The following GRID2 variants were observed in gnomAD, a reference collection of about 807,000 sequenced individuals.
GRID2 encodes the protein glutamate receptor ionotropic, delta-2.
Under a neutral mutation model 114.8 loss-of-function variants are expected in GRID2, and 33 were observed. The ratio of observed to expected loss-of-function variants is 0.29; its 90% confidence interval spans 0.22 to 0.38. GRID2 has a LOEUF of 0.38. Among genes scored for constraint, GRID2 ranks in the 10% least tolerant of loss-of-function variants. GRID2 has a pLI of 1.00. For missense variants in GRID2, 1,184 were observed against 1,257.7 expected (o/e 0.94, Z 0.89); for synonymous variants, 505 against 449.9 (o/e 1.12, Z -1.55).
intron 13 of GRID2, among the ~76,000 whole-genome samples, chr4:93,519,946 T>A (rs1301439054): frequency 1.3e-5 from 2 of 152,102 alleles, no homozygotes; most frequent in Non-Finnish European, 2.9e-5. Flanking sequence ...CCACTGGACT[T>A]CAGGGCCTAG....
chr4:92,531,020 C>T (rs186216315), intron 1 of GRID2, among the ~76,000 whole-genome samples: 47 of 152,046 alleles, frequency 3.1e-4, no homozygotes, highest in Non-Finnish European at 5.9e-4. Context: ...CCTAAAAAGT[C>T]CTTATTATTT....
chr4:92,797,087 A>G (rs151313667), intron 2 of GRID2, among the ~76,000 whole-genome samples: 16 of 152,064 alleles, frequency 1.1e-4, no homozygotes, highest in Admixed American at 3.3e-4. Flanking sequence ...GCCTCCGTTT[A>G]TAGTGGATAT....
At chr4:92,487,174 ATT>A (rs1722938393) in intron 1 of GRID2, among the ~76,000 whole-genome samples, 1 of 151,772 alleles carries the variant, frequency 6.6e-6, no homozygotes, top group Admixed American at 6.6e-5. Context: ...TCATTGATTT[ATT>A]TCTCATTTAT....
At chr4:92,800,914 C>A (rs1040926944) in intron 2 of GRID2, among the ~76,000 whole-genome samples, 2 of 151,940 alleles carry the variant, frequency 1.3e-5, no homozygotes, top group African/African-American at 4.8e-5. Flanking sequence ...TTTATTAACC[C>A]CTGTCTTGCT....
chr4:93,480,995 A>T (rs560391692), intron 11 of GRID2, among the ~76,000 whole-genome samples: 3 of 152,052 alleles, frequency 2.0e-5, no homozygotes, highest in Non-Finnish European at 4.4e-5. Flanking sequence ...CTAATGAATT[A>T]CTACCACCCC....
At chr4:93,769,805 A>T (rs556389093) in intron 15 of GRID2, among the ~76,000 whole-genome samples, 3 of 152,172 alleles carry the variant, frequency 2.0e-5, no homozygotes, top group Non-Finnish European at 4.4e-5. Context: ...TGTTTCACTT[A>T]GTTGTTTAAC....
At chr4:93,702,530 T>C (rs527429475) in intron 14 of GRID2, among the ~76,000 whole-genome samples, 1 of 152,272 alleles carries the variant, frequency 6.6e-6, no homozygotes, top group East Asian at 1.9e-4. Context: ...GCTGTTACCA[T>C]AATGCTAAAA....
chr4:93,083,096 T>C (rs1337111817), intron 2 of GRID2, among the ~76,000 whole-genome samples: 2 of 152,146 alleles, frequency 1.3e-5, no homozygotes, highest in Non-Finnish European at 2.9e-5. Context: ...TTTCCTGTAA[T>C]TAGTGTAATC....
intron 4 of GRID2, among the ~76,000 whole-genome samples, chr4:93,163,332 T>G (rs1737868349): frequency 7.0e-6 from 1 of 142,134 alleles, no homozygotes; most frequent in Non-Finnish European, 1.5e-5. Flanking sequence ...TGCCTTTATT[T>G]TCCACTTCTG....
intron 4 of GRID2, among the ~76,000 whole-genome samples, chr4:93,176,363 G>T (rs1739345724): frequency 2.6e-5 from 4 of 152,038 alleles, no homozygotes; most frequent in African/African-American, 4.8e-5. Context: ...TAAATAGAAA[G>T]AATTGTCTTC....
intron 1 of GRID2, among the ~76,000 whole-genome samples, chr4:92,345,104 T>C: frequency 6.6e-6 from 1 of 152,216 alleles, no homozygotes; most frequent in Admixed American, 6.5e-5. Flanking sequence ...ACTTTATAGC[T>C]TAGCTCCCTC....
chr4:93,738,067 T>C (rs1411995058), intron 14 of GRID2, among the ~76,000 whole-genome samples: 1 of 152,040 alleles, frequency 6.6e-6, no homozygotes, highest in East Asian at 1.9e-4. Flanking sequence ...TTCAGAGTAG[T>C]CCAGAGCTGA....
At chr4:93,378,525 T>C (rs1763574041) in intron 8 of GRID2, among the ~76,000 whole-genome samples, 1 of 152,136 alleles carries the variant, frequency 6.6e-6, no homozygotes, top group African/African-American at 2.4e-5. Context: ...ATTGGGTAAG[T>C]AAACCACAAT....
At chr4:92,645,093 T>C (rs1479261910) in intron 2 of GRID2, among the ~76,000 whole-genome samples, 2 of 151,636 alleles carry the variant, frequency 1.3e-5, no homozygotes, top group Non-Finnish European at 3.0e-5. Context: ...TTCAAACATT[T>C]CATTAGTATT....
intron 2 of GRID2, among the ~76,000 whole-genome samples, chr4:92,956,341 T>C (rs1487719079): frequency 6.6e-6 from 1 of 152,228 alleles, no homozygotes; most frequent in African/African-American, 2.4e-5. Context: ...TATGGTATTA[T>C]GCAGAATAGT....
intron 13 of GRID2, among the ~76,000 whole-genome samples, chr4:93,551,874 T>G (rs1057234787): frequency 1.3e-5 from 2 of 152,212 alleles, no homozygotes; most frequent in Non-Finnish European, 2.9e-5. Flanking sequence ...AATATTTAAA[T>G]GTGTTTTTTA....
At chr4:92,720,323 C>G (rs1462024790) in intron 2 of GRID2, among the ~76,000 whole-genome samples, 1 of 151,940 alleles carries the variant, frequency 6.6e-6, no homozygotes, top group African/African-American at 2.4e-5. Context: ...ATGAGGTGGT[C>G]TACAGTTTTC....
chr4:92,661,488 C>G (rs1425370049), intron 2 of GRID2, among the ~76,000 whole-genome samples: 1 of 150,564 alleles, frequency 6.6e-6, no homozygotes, highest in South Asian at 2.1e-4. Context: ...GGTTGGGTTT[C>G]GGGGTGAGAA....
intron 13 of GRID2, among the ~76,000 whole-genome samples, chr4:93,576,674 C>T (rs1196432739): frequency 1.3e-5 from 2 of 152,088 alleles, no homozygotes; most frequent in South Asian, 2.1e-4. Context: ...ACTTTTTTGA[C>T]GTTTTAGTGA....
Sources: allele counts gnomAD v4.1 joint callset (sites outside exome capture counted in the v4.1 genomes callset), GRCh38; gene constraint gnomAD v4.1.1; transcripts MANE v1.5; gene names NCBI Gene and HGNC (gene_info 2026-07-23, HGNC 2026-07-21).